The following PCNX1 variants were observed in gnomAD, a reference collection of about 807,000 sequenced individuals.
PCNX1 encodes the protein pecanex-like protein 1.
A neutral mutation model predicts 242.2 loss-of-function variants in PCNX1; 78 were observed. The ratio of observed to expected loss-of-function variants is 0.32; its 90% confidence interval spans 0.27 to 0.39. The LOEUF (loss-of-function observed/expected upper bound fraction) is 0.39. Ranked by LOEUF, PCNX1 falls within the 10% of genes least tolerant of loss-of-function variation. The pLI is 1.00. For synonymous variants in PCNX1, 1,024 were observed against 1,032.9 expected (o/e 0.99, Z 0.17); for missense variants, 2,581 against 2,856.5 (o/e 0.90, Z 2.20).
At chr14:70,966,079 A>G (rs1009232145) in intron 3 of PCNX1, among the ~76,000 whole-genome samples, 1 of 152,174 alleles carries the variant, frequency 6.6e-6, no homozygotes, top group African/African-American at 2.4e-5. Context: ...GTGTTTTTCT[A>G]CAGTGACACT....
In PCNX1 at chr14:71,028,739, G is replaced by T; in HGVS notation, c.3506G>T (p.Cys1169Phe). The change falls in exon 16 of 36, where the codon TGT (cysteine) becomes TTT (phenylalanine). Residue 1169 changes from cysteine to phenylalanine, a missense_variant. Physicochemically the swap from Cys to Phe is radical, Grantham distance 205. Around this residue, in one of 9 missense-constraint regions of PCNX1, gnomAD observed 432 missense variants for 443.1 expected, o/e 0.97. Coordinates refer to ENST00000304743, the MANE Select transcript of PCNX1 (RefSeq NM_014982.3). ...CTTGCAGCACTTTACAGTTTTATCT[G>T]TAGCATTGTTGCAGTAGCCTTATTG... ...SLLAALYSFI[C>F]SIVAVALLYG... 1 of 1,608,442 alleles carries T rather than the reference G, an allele frequency of 6.2e-7. No individual in the cohort carries two copies.
intron 30 of PCNX1, among the ~76,000 whole-genome samples, chr14:71,099,159 A>ATTTTTTTTTTTTTTTTTTTTTAT: frequency 7.6e-6 from 1 of 131,490 alleles, no homozygotes; most frequent in Non-Finnish European, 1.6e-5. Context: ...TATTATTTTG[A>ATTTTTTTTTTTTTTTTTTTTTAT]TTTTTTTTTT....
chr14:70,941,724 C>T (rs1292111229), intron 1 of PCNX1, among the ~76,000 whole-genome samples: 2 of 152,224 alleles, frequency 1.3e-5, no homozygotes, highest in African/African-American at 2.4e-5. Context: ...GCCCTGCCCC[C>T]AGAGGTGGAT....
chr14:71,025,919 G>A (rs946435557), intron 13 of PCNX1, among the ~76,000 whole-genome samples, 198 bp from the exon 14 acceptor site: 3 of 152,074 alleles, frequency 2.0e-5, no homozygotes, highest in Admixed American at 6.6e-5. Context: ...TGATATTTCT[G>A]TTTCAGTCCA....
intron 26 of PCNX1, among the ~76,000 whole-genome samples, chr14:71,068,421 T>C (rs2061502922): frequency 6.9e-6 from 1 of 145,166 alleles, no homozygotes; most frequent in Non-Finnish European, 1.6e-5. Context: ...TGTATTTATA[T>C]GTATATGTAT....
chr14:71,102,426 C>T (rs1015960459), intron 31 of PCNX1, among the ~76,000 whole-genome samples: 1 of 151,848 alleles, frequency 6.6e-6, no homozygotes, highest in African/African-American at 2.4e-5. Flanking sequence ...CCACCATGTC[C>T]GGCTAATTTT....
At chr14:70,992,258 G>C (rs1367169717) in intron 7 of PCNX1, among the ~76,000 whole-genome samples, 1 of 152,012 alleles carries the variant, frequency 6.6e-6, no homozygotes, top group Non-Finnish European at 1.5e-5. Context: ...GAAATCATCA[G>C]TGCATTTCAG....
rs763168705 is a variant in PCNX1, at chr14:70,969,057, G to T, written c.551G>T (p.Ser184Ile). 1.4e-5 allele frequency: 22 copies of T among 1,611,062 alleles called. 1 individual carries two copies. In the South Asian group the frequency reaches 2.1e-4, roughly 15 times the overall value. ...TDTAKTSDDI[S>I]LSLGQSSSLC... ...ACTGCTAAGACTTCTGATGATATCA[G>T]TTTAAGTCTGGGCCAAAGTTCTAGT... is the stretch of plus-strand genomic sequence containing the variant. Residue 184 changes from serine to isoleucine, a missense_variant, in exon 5 of 36, where the codon AGT (serine) becomes ATT (isoleucine). Coordinates refer to ENST00000304743, the MANE Select transcript of PCNX1 (RefSeq NM_014982.3).
intron 28 of PCNX1, 65 bp from the exon 29 acceptor site, chr14:71,088,265 C>T (rs546625362): frequency 3.7e-5 from 32 of 865,776 alleles, no homozygotes; most frequent in South Asian, 3.1e-4. Context: ...TATATTATTT[C>T]GATTTATGAT....
intron 3 of PCNX1, among the ~76,000 whole-genome samples, chr14:70,963,212 C>T (rs1229494710): frequency 2.6e-5 from 4 of 152,174 alleles, no homozygotes; most frequent in Non-Finnish European, 5.9e-5. Flanking sequence ...TGGTCTAACT[C>T]TTCTTGTAAC....
chr14:70,948,652 T>C (rs2057565281), intron 2 of PCNX1, among the ~76,000 whole-genome samples: 1 of 148,306 alleles, frequency 6.7e-6, no homozygotes, highest in African/African-American at 2.4e-5. Context: ...TATATAGATG[T>C]GTATATATAC....
intron 1 of PCNX1, among the ~76,000 whole-genome samples, chr14:70,915,843 T>G (rs2056132794): frequency 6.6e-6 from 1 of 152,140 alleles, no homozygotes; most frequent in Non-Finnish European, 1.5e-5. Context: ...GGGTAGATAA[T>G]GCAGGGTTCC....
chr14:71,082,649 A>G (rs1413589856), intron 28 of PCNX1, among the ~76,000 whole-genome samples: 3 of 152,104 alleles, frequency 2.0e-5, no homozygotes, highest in East Asian at 1.9e-4. Context: ...AGTCTGTTTT[A>G]TCAGAGACTA....
At chr14:70,951,118 A>G (rs1480242975) in intron 2 of PCNX1, among the ~76,000 whole-genome samples, 3 of 152,042 alleles carry the variant, frequency 2.0e-5, no homozygotes, top group Admixed American at 6.6e-5. Context: ...TAATTTGTTT[A>G]GGTTTGTTTA....
chr14:71,089,075 T>A (rs2062064858), intron 29 of PCNX1, 117 bp from the exon 30 acceptor site: 13 of 753,842 alleles, frequency 1.7e-5, no homozygotes, highest in Non-Finnish European at 2.8e-5. Flanking sequence ...CATTAGTTCC[T>A]GGAATCTGTA....
rs1349030113 is a variant in PCNX1, at chr14:70,953,812, G to A, written c.362+6689G>A. Among the ~76,000 whole-genome samples the A allele has an allele frequency of 5.9e-5, 9 of 151,884 alleles. 1 individual carries two copies. The highest frequency in any genetic ancestry group is 2.2e-4 in the African/African-American group (9 of 41,320). On this transcript the variant is annotated intron_variant, in intron 2 of 35. Coordinates refer to ENST00000304743, the MANE Select transcript of PCNX1 (RefSeq NM_014982.3). ...CCCTCCTCAGTAGCTGGGATTACAG[G>A]CATGTGCCACCACACCTGGCTAATT...
chr14:71,080,377 A>G (rs1274739285), intron 28 of PCNX1, among the ~76,000 whole-genome samples: 1 of 152,082 alleles, frequency 6.6e-6, no homozygotes, highest in Non-Finnish European at 1.5e-5. Flanking sequence ...ATTCTATAGG[A>G]AATTTAAAGT....
chr14:70,910,043 TC>T (rs1566808213), intron 1 of PCNX1, among the ~76,000 whole-genome samples: 1 of 34,906 alleles, frequency 2.9e-5, no homozygotes, highest in Non-Finnish European at 5.9e-5. Context: ...CTCCTCCTCC[TC>T]CTCCTCCTCC....
chr14:70,969,080 A>G lies in PCNX1; in HGVS notation c.574A>G (p.Ser192Gly). 1 of 1,608,598 alleles carries G rather than the reference A, an allele frequency of 6.2e-7. No individual in the cohort carries two copies. The highest frequency in any genetic ancestry group is 8.5e-7 in the Non-Finnish European group (1 of 1,175,082). ...DISLSLGQSS[S>G]LCKEGSEEQD... ...CAGTTTAAGTCTGGGCCAAAGTTCT[A>G]GTCTTTGTAAGGAAGGAAGTGAAGA... is the stretch of plus-strand genomic sequence containing the variant. The change falls in exon 5 of 36, where the codon AGT (serine) becomes GGT (glycine). Residue 192 changes from serine to glycine, a missense_variant. Coordinates refer to ENST00000304743, the MANE Select transcript of PCNX1 (RefSeq NM_014982.3).
Sources: allele counts gnomAD v4.1 joint callset (sites outside exome capture counted in the v4.1 genomes callset), GRCh38; gene constraint gnomAD v4.1.1; regional missense constraint gnomAD v4.1.1; transcripts MANE v1.5; gene names NCBI Gene and HGNC (gene_info 2026-07-23, HGNC 2026-07-21).